The following THSD7A variants were observed in gnomAD, a reference collection of about 807,000 sequenced individuals.
THSD7A encodes thrombospondin type-1 domain-containing protein 7A.
Under a neutral mutation model 231.3 loss-of-function variants are expected in THSD7A, and 96 were observed. That is an observed-to-expected ratio of 0.41 (90% CI 0.35 to 0.49). THSD7A has a LOEUF of 0.49. Among genes scored for constraint, THSD7A ranks in the 20% least tolerant of loss-of-function variants. The pLI is 0.05. For synonymous variants in THSD7A, 940 were observed against 743.3 expected (o/e 1.26, Z -4.30); for missense variants, 2,290 against 2,070.2 (o/e 1.11, Z -2.06).
At chr7:11,644,749 T>C (rs1782216690) in intron 1 of THSD7A, among the ~76,000 whole-genome samples, 1 of 152,026 alleles carries the variant, frequency 6.6e-6, no homozygotes, top group Non-Finnish European at 1.5e-5. Context: ...GGATCTATTA[T>C]ACTAAATATT....
At position 11,435,140 on chromosome 7, in the gene THSD7A, A is replaced by G. The variant is rs535165216; in HGVS notation, c.3065-6015T>C. On this transcript the variant is annotated intron_variant, in intron 13 of 27. Coordinates refer to ENST00000423059, the MANE Select transcript of THSD7A (RefSeq NM_015204.3). ...GAGGTTTTGTTATTGTTATTTTAAT[A>G]CTGGGAATTTACTCAATGACCACGC... Among the ~76,000 whole-genome samples the G allele has an allele frequency of 8.5e-5, 13 of 152,186 alleles. No homozygotes were observed. In the East Asian group the frequency reaches 2.3e-3, roughly 27 times the overall value.
intron 8 of THSD7A, 132 bp from the exon 9 acceptor site, chr7:11,470,126 C>T: frequency 3.0e-6 from 2 of 666,142 alleles, no homozygotes; most frequent in East Asian, 2.9e-5. Flanking sequence ...TTCCAGGAGT[C>T]TTTCTTTCTG....
intron 1 of THSD7A, among the ~76,000 whole-genome samples, chr7:11,653,487 TG>T (rs1782587647): frequency 6.7e-6 from 1 of 150,206 alleles, no homozygotes. Context: ...TGTGTGTGTG[TG>T]TGTGTGTGTT....
At chr7:11,735,718 C>T (rs1485977518) in intron 1 of THSD7A, among the ~76,000 whole-genome samples, 5 of 151,732 alleles carry the variant, frequency 3.3e-5, no homozygotes, top group African/African-American at 9.7e-5. Context: ...GTGTAAGAAA[C>T]AAAAGTTGAA....
intron 2 of THSD7A, among the ~76,000 whole-genome samples, chr7:11,610,226 C>T (rs1294937419): frequency 6.6e-6 from 1 of 152,086 alleles, no homozygotes; most frequent in African/African-American, 2.4e-5. Flanking sequence ...TATATACTGA[C>T]TCTTGTTCCT....
chr7:11,596,966 G>T (rs1252485396), intron 2 of THSD7A, among the ~76,000 whole-genome samples: 1 of 152,194 alleles, frequency 6.6e-6, no homozygotes, highest in African/African-American at 2.4e-5. Flanking sequence ...TACCTCAGGG[G>T]TATATCAACT....
At chr7:11,550,901 G>C (rs1328677330) in intron 4 of THSD7A, among the ~76,000 whole-genome samples, 1 of 151,938 alleles carries the variant, frequency 6.6e-6, no homozygotes, top group African/African-American at 2.4e-5. Context: ...GCAACCCTAA[G>C]CAAAAAGAAC....
intron 2 of THSD7A, among the ~76,000 whole-genome samples, chr7:11,599,599 T>A (rs1780481548): frequency 6.6e-6 from 1 of 152,206 alleles, no homozygotes; most frequent in African/African-American, 2.4e-5. Context: ...GGTTTGGGGA[T>A]TGGTGCATTT....
intron 16 of THSD7A, among the ~76,000 whole-genome samples, chr7:11,418,242 G>T (rs545582980): frequency 6.6e-6 from 1 of 152,092 alleles, no homozygotes; most frequent in African/African-American, 2.4e-5. Context: ...AATTGGTATC[G>T]CATAGGTTCT....
At chr7:11,538,050 G>A (rs1220386810) in intron 6 of THSD7A, among the ~76,000 whole-genome samples, 1 of 152,184 alleles carries the variant, frequency 6.6e-6, no homozygotes, top group East Asian at 1.9e-4. Flanking sequence ...GTAATGCTGA[G>A]TTGCAATGAT....
intron 6 of THSD7A, among the ~76,000 whole-genome samples, chr7:11,509,329 TATATA>T (rs1024680955): frequency 9.2e-5 from 14 of 152,260 alleles, no homozygotes; most frequent in Middle Eastern, 3.4e-3. Flanking sequence ...ATAACTGACT[TATATA>T]ATATAAAGTC....
chr7:11,471,516 A>C (rs1366276965), intron 8 of THSD7A, among the ~76,000 whole-genome samples: 3 of 152,004 alleles, frequency 2.0e-5, no homozygotes, highest in Non-Finnish European at 4.4e-5. Context: ...TTTCTTCTTC[A>C]TACATAGATA....
intron 6 of THSD7A, among the ~76,000 whole-genome samples, chr7:11,509,252 G>A (rs1454495742): frequency 6.6e-6 from 1 of 152,024 alleles, no homozygotes; most frequent in Admixed American, 6.6e-5. Flanking sequence ...ACATGTTTTG[G>A]TTTACGGCAT....
intron 4 of THSD7A, among the ~76,000 whole-genome samples, chr7:11,547,541 A>G (rs1789452251): frequency 6.6e-6 from 1 of 152,230 alleles, no homozygotes; most frequent in Admixed American, 6.5e-5. Flanking sequence ...CAACAACAGA[A>G]TATACATTCT....
chr7:11,591,951 C>G (rs554448528), intron 3 of THSD7A, among the ~76,000 whole-genome samples: 1 of 152,032 alleles, frequency 6.6e-6, no homozygotes, highest in African/African-American at 2.4e-5. Flanking sequence ...TGCTTCCCCC[C>G]AAAAAGGGCA....
At chr7:11,827,683 T>A (rs1583323051) in intron 1 of THSD7A, among the ~76,000 whole-genome samples, 1 of 152,132 alleles carries the variant, frequency 6.6e-6, no homozygotes, top group East Asian at 1.9e-4. Flanking sequence ...GAAATATACA[T>A]TTATTGAGTT....
chr7:11,390,798 G>C (rs1047561786), intron 23 of THSD7A, among the ~76,000 whole-genome samples: 2 of 152,282 alleles, frequency 1.3e-5, no homozygotes, highest in African/African-American at 4.8e-5. Context: ...CTTTCTTATT[G>C]ATGTTAATGC....
chr7:11,498,883 G>A (rs1787218132), intron 6 of THSD7A, among the ~76,000 whole-genome samples: 1 of 152,064 alleles, frequency 6.6e-6, no homozygotes, highest in Non-Finnish European at 1.5e-5. Flanking sequence ...TACAGCAGCA[G>A]CCCTATGGAA....
chr7:11,763,151 T>C (rs4496863), intron 1 of THSD7A, among the ~76,000 whole-genome samples: 2 of 152,104 alleles, frequency 1.3e-5, no homozygotes, highest in African/African-American at 2.4e-5. Flanking sequence ...TTCCAAATTG[T>C]TTTTCTTTCT....
Sources: allele counts gnomAD v4.1 joint callset (sites outside exome capture counted in the v4.1 genomes callset), GRCh38; gene constraint gnomAD v4.1.1; transcripts MANE v1.5; gene names NCBI Gene and HGNC (gene_info 2026-07-23, HGNC 2026-07-21).